ZFYVE19: variants seen among roughly 807,000 people sequenced by gnomAD.
ZFYVE19 encodes abscission/NoCut checkpoint regulator.
ZFYVE19 carries 49 observed loss-of-function variants against 62.8 expected under a neutral mutation model. That is an observed-to-expected ratio of 0.78 (90% CI 0.62 to 0.99). The LOEUF (loss-of-function observed/expected upper bound fraction) is 0.99. ZFYVE19 is among the 50% of genes least tolerant of loss of function. The pLI is 0.00. For missense variants in ZFYVE19, 630 were observed against 601.9 expected (o/e 1.05, Z -0.49); for synonymous variants, 242 against 234.3 (o/e 1.03, Z -0.30).
rs1261009473 is a variant in ZFYVE19, at chr15:40,812,595, A to G, written c.827-104A>G. On this transcript the variant is annotated intron_variant, in intron 6 of 10. Transcript: ENST00000355341. ...AAAGAAAGAAAGAAAGAAAGAAAAAATTATTAAAGAAAAAGAAAAGAAAAG... is the reference window on the plus strand; with the variant it reads ...AAAGAAAGAAAGAAAGAAAGAAAAAGTTATTAAAGAAAAAGAAAAGAAAAG... The G allele has an allele frequency of 7.1e-6, 6 of 850,824 alleles. No individual in the cohort carries two copies. The South Asian group carries it at 7.3e-5, about 10-fold the overall frequency. 52.7% of individuals were successfully genotyped at this position (850,824 alleles called of 1,614,324 possible).
chr15:40,811,107 G>C, intron 6 of ZFYVE19: 1 of 297,086 alleles, frequency 3.4e-6, no homozygotes, highest in Non-Finnish European at 6.6e-6. Flanking sequence ...AATCCAATAA[G>C]TGCTTGGGAA....
intron 3 of ZFYVE19, 55 bp downstream of exon 3, chr15:40,809,513 T>C (rs376249862): frequency 3.8e-6 from 6 of 1,592,326 alleles, no homozygotes; most frequent in African/African-American, 1.3e-5. Flanking sequence ...AAGGGAGCCA[T>C]AGGGAAAGAC....
chr15:40,808,121 C>G, intron 1 of ZFYVE19: 1 of 1,447,252 alleles, frequency 6.9e-7, no homozygotes, highest in Non-Finnish European at 9.5e-7. Context: ...GTCGTTTTTG[C>G]AAAGCTACTC....
In ZFYVE19 at chr15:40,807,240, G is replaced by A; in HGVS notation, c.-350G>A. ...TGGGAGCCCGCCTGCGGAGGGCATA[G>A]CGCCGACCCTCGCTCCCCGCCCAGG... On this transcript the variant is annotated 5_prime_UTR_variant, in exon 1 of 11. Coordinates refer to ENST00000355341, the MANE Select transcript of ZFYVE19 (RefSeq NM_001077268.2). 1 of 1,568,044 alleles carries A rather than the reference G, an allele frequency of 6.4e-7. No individual in the cohort carries two copies. Among genetic ancestry groups the A allele is most frequent in the Non-Finnish European group, 8.6e-7 (1 of 1,157,670 alleles).
chr15:40,814,463 G>T lies in ZFYVE19; in HGVS notation c.*237G>T. The stretch of plus-strand genomic sequence containing the variant: ...CAGACTGGAAGTGAGAGGCATGATG[G>T]GGAGAGACCAGACTGAATCTACGGG... On this transcript the variant is annotated 3_prime_UTR_variant, in exon 11 of 11. Coordinates refer to ENST00000355341, the MANE Select transcript of ZFYVE19 (RefSeq NM_001077268.2). 1.7e-6 allele frequency: 1 copy of T among 575,712 alleles called. No homozygotes were observed. Among genetic ancestry groups the T allele is most frequent in the African/African-American group, 1.9e-5 (1 of 53,324 alleles). The allele number at this position is 575,712 out of a possible 1,614,324, so 35.7% of individuals were successfully genotyped here. A position where few individuals can be genotyped will look rare whatever the true frequency, so the allele number is the denominator to read the frequency against.
chr15:40,814,528 C>T lies in ZFYVE19; in HGVS notation c.*302C>T. On this transcript the variant is annotated 3_prime_UTR_variant, in exon 11 of 11. Transcript: ENST00000355341. Reference sequence around the variant, plus strand: ...TGGCTCTAGGGCACAGGCCCCTCCCCTGGCACTTAGTGGGTCTAATAAAGT... The same window carrying T: ...TGGCTCTAGGGCACAGGCCCCTCCCTTGGCACTTAGTGGGTCTAATAAAGT... 1 of 465,312 alleles carries T rather than the reference C, an allele frequency of 2.1e-6. No individual in the cohort carries two copies. Among genetic ancestry groups the T allele is most frequent in the Non-Finnish European group, 4.0e-6 (1 of 252,820 alleles). 28.8% of individuals were successfully genotyped at this position (465,312 alleles called of 1,614,324 possible). A position where few individuals can be genotyped will look rare whatever the true frequency, so the allele number is the denominator to read the frequency against.
chr15:40,808,011 T>C (rs767394556), intron 1 of ZFYVE19, 143 bp downstream of exon 1: 12 of 1,167,622 alleles, frequency 1.0e-5, no homozygotes, highest in Non-Finnish European at 1.5e-5. Flanking sequence ...TTTCCATTTC[T>C]GTAAAATGGG....
intron 6 of ZFYVE19, 163 bp downstream of exon 6, chr15:40,810,920 G>C: frequency 2.2e-6 from 2 of 906,308 alleles, no homozygotes; most frequent in Non-Finnish European, 3.2e-6. Context: ...GCCAGTGTAA[G>C]CCTAGTGTTT....
In ZFYVE19 at chr15:40,813,391, A is replaced by T; in HGVS notation, c.1084A>T (p.Thr362Ser). ...PDSDDDEDEE[T>S]AIQRVLQQLT... Reference sequence around the variant, plus strand: ...CAGTGATGACGACGAGGATGAGGAGACAGCCATCCAAAGAGTCCTGCAGCA... The same window carrying T: ...CAGTGATGACGACGAGGATGAGGAGTCAGCCATCCAAAGAGTCCTGCAGCA... Residue 362 changes from threonine (T) to serine (S), a missense_variant, in exon 8 of 11, where the codon ACA becomes TCA. Transcript: ENST00000355341. The T allele has an allele frequency of 6.2e-7, 1 of 1,610,374 alleles. No individual in the cohort carries two copies. Among genetic ancestry groups the T allele is most frequent in the Non-Finnish European group, 8.5e-7 (1 of 1,178,388 alleles).
intron 1 of ZFYVE19, 46 bp from the exon 2 acceptor site, chr15:40,809,073 G>A: frequency 6.2e-7 from 1 of 1,606,024 alleles, no homozygotes; most frequent in Non-Finnish European, 8.5e-7. Flanking sequence ...GGAGCAGCCT[G>A]CAGGGGCGGG....
chr15:40,813,170 G>C (rs1222121338), intron 7 of ZFYVE19, among the ~76,000 whole-genome samples, 168 bp from the exon 8 acceptor site: 1 of 152,124 alleles, frequency 6.6e-6, no homozygotes, highest in Admixed American at 6.5e-5. Flanking sequence ...GCCCTGCAGG[G>C]CTGGGGCAGG....
rs554561847 is a variant in ZFYVE19, at chr15:40,814,358, G to A, written c.*132G>A. 1.1e-5 allele frequency: 11 copies of A among 1,020,480 alleles called. No homozygotes were observed. The South Asian group carries it at 1.6e-4, about 15-fold the overall frequency. 63.2% of individuals were successfully genotyped at this position (1,020,480 alleles called of 1,614,324 possible). On this transcript the variant is annotated 3_prime_UTR_variant, in exon 11 of 11. Coordinates refer to ENST00000355341, the MANE Select transcript of ZFYVE19 (RefSeq NM_001077268.2). ...TGGATAGGCCCCTTCCTGAGCCTTG[G>A]TGTCCCTGGAATGAGGAAAGATTCT...
At position 40,813,756 on chromosome 15, in the gene ZFYVE19, TC is replaced by T; in HGVS notation, c.1157del (p.Pro386LeufsTer121). On this transcript the variant is annotated frameshift_variant, in exon 9 of 11. Coordinates refer to ENST00000355341, the MANE Select transcript of ZFYVE19 (RefSeq NM_001077268.2). LOFTEE classifies it high-confidence loss of function. ...ASLDEASGFNIPAEQASRPWT... is the reference protein window; with the variant it reads ...ASLDEASGFNXPAEQASRPWT... ...CTGGATGAGGCAAGTGGCTTTAACATCCCTGCAGAGCAGGCTTCTCGACCCT... is the reference window on the plus strand; with the variant it reads ...CTGGATGAGGCAAGTGGCTTTAACATCCTGCAGAGCAGGCTTCTCGACCCT... The T allele has an allele frequency of 6.2e-7, 1 of 1,614,070 alleles. No individual in the cohort carries two copies. The highest frequency in any genetic ancestry group is 8.5e-7 in the Non-Finnish European group (1 of 1,180,008).
intron 1 of ZFYVE19, chr15:40,808,358 G>A (rs748596125): frequency 6.3e-7 from 1 of 1,597,432 alleles, no homozygotes; most frequent in Middle Eastern, 1.7e-4. Context: ...AGACCTGCCA[G>A]ATTCCTCTGG....
Position 40,807,695 on chromosome 15 carries a change from G to A in ZFYVE19, c.106G>A (p.Gly36Ser). 1 of 1,601,948 alleles carries A rather than the reference G, an allele frequency of 6.2e-7. No homozygotes were observed. Among genetic ancestry groups the A allele is most frequent in the African/African-American group, 1.4e-5 (1 of 72,900 alleles). ...ALGRGGTVPVGVWGGAGQGRE... is the reference protein window; with the variant it reads ...ALGRGGTVPVSVWGGAGQGRE... ...AGGTCGCGGCGGGACAGTGCCAGTGGGCGTGTGGGGCGGGGCAGGGCAGGG... is the reference window on the plus strand; with the variant it reads ...AGGTCGCGGCGGGACAGTGCCAGTGAGCGTGTGGGGCGGGGCAGGGCAGGG... Residue 36 changes from glycine (G) to serine (S), a missense_variant, in exon 1 of 11, where the codon GGC becomes AGC. Transcript: ENST00000355341.
At chr15:40,808,836 G>A (rs569795797) in intron 1 of ZFYVE19, 15 of 369,140 alleles carry the variant, frequency 4.1e-5, no homozygotes, top group African/African-American at 2.9e-4. Flanking sequence ...CTGAAATACT[G>A]GGCTTTATCT....
intron 1 of ZFYVE19, 32 bp from the exon 2 acceptor site, chr15:40,809,087 G>C (rs1221557013): frequency 6.2e-7 from 1 of 1,610,142 alleles, no homozygotes; most frequent in Non-Finnish European, 8.5e-7. Flanking sequence ...GGGCGGGTGA[G>C]AGGGGGATCT....
Position 40,814,129 on chromosome 15 carries a change from G to A in ZFYVE19, c.1338-19G>A. 1.2e-6 allele frequency: 2 copies of A among 1,614,214 alleles called. No individual in the cohort carries two copies. Among genetic ancestry groups the A allele is most frequent in the East Asian group, 2.2e-5 (1 of 44,880 alleles). ...CAAGGGCTGCCTGGATCCCTGACTT[G>A]TATCCCTTTGTTCCACAGAGAGGGC... is the stretch of plus-strand genomic sequence containing the variant. On this transcript the variant is annotated intron_variant, in intron 10 of 10. Transcript: ENST00000355341.
At chr15:40,813,639 G>A (rs573742285) in intron 8 of ZFYVE19, 74 bp from the exon 9 acceptor site, 13 of 1,407,042 alleles carry the variant, frequency 9.2e-6, no homozygotes, top group Non-Finnish European at 1.3e-5. Flanking sequence ...TAAGTCCACA[G>A]TGCACAGAAA....
Sources: gnomAD v4.1 joint callset for allele counts (sites outside exome capture counted in the v4.1 genomes callset) on GRCh38, gnomAD v4.1.1 for gene constraint, MANE v1.5 for transcripts, NCBI Gene and HGNC (gene_info 2026-07-23, HGNC 2026-07-21) for gene names.